TMEM178B: variants seen among roughly 807,000 people sequenced by gnomAD.
TMEM178B encodes the protein transmembrane protein 178B.
A neutral mutation model predicts 31.0 loss-of-function variants in TMEM178B; 5 were observed. The ratio of observed to expected loss-of-function variants is 0.16; its 90% CI spans 0.08 to 0.34. The LOEUF (loss-of-function observed/expected upper bound fraction) is 0.34. TMEM178B is among the 10% of genes least tolerant of loss of function. The pLI, the probability that TMEM178B is intolerant of heterozygous loss-of-function variation, is 1.00. For missense variants in TMEM178B, 275 were observed against 400.3 expected (o/e 0.69, Z 2.67); for synonymous variants, 164 against 164.0 (o/e 1.00, Z 0.00).
intron 2 of TMEM178B, among the ~76,000 whole-genome samples, chr7:141,373,682 G>C (rs575169585): frequency 1.3e-5 from 2 of 152,160 alleles, no homozygotes; most frequent in African/African-American, 4.8e-5. Flanking sequence ...GGCTGCTCCC[G>C]GGGAAGGGGC....
At chr7:141,118,517 G>A (rs1159261617) in intron 1 of TMEM178B, among the ~76,000 whole-genome samples, 1 of 152,152 alleles carries the variant, frequency 6.6e-6, no homozygotes, top group Admixed American at 6.5e-5. Context: ...TATAGTAAGT[G>A]GTATACAATA....
At chr7:141,180,521 T>A (rs1563109609) in intron 1 of TMEM178B, among the ~76,000 whole-genome samples, 1 of 149,750 alleles carries the variant, frequency 6.7e-6, no homozygotes, top group East Asian at 2.0e-4. Flanking sequence ...TACAAATCCA[T>A]GCAAAAGTAT....
At chr7:141,410,375 A>G (rs1350859685) in intron 2 of TMEM178B, among the ~76,000 whole-genome samples, 1 of 151,910 alleles carries the variant, frequency 6.6e-6, no homozygotes, top group African/African-American at 2.4e-5. Flanking sequence ...CACTTTGGCT[A>G]CTTCCCTTGA....
chr7:141,105,005 C>G (rs1860752), intron 1 of TMEM178B, among the ~76,000 whole-genome samples: 91,679 of 151,960 alleles, frequency 0.6, 29,021 homozygotes, highest in East Asian at 0.75. Context: ...AAGACAGTTG[C>G]ATTGAATGAG....
At chr7:141,487,534 G>A in the TMEM178B span, among the ~76,000 whole-genome samples, 2 of 151,902 alleles carry the variant, frequency 1.3e-5, no homozygotes, top group East Asian at 3.9e-4. Context: ...GAGGTCAGGA[G>A]TTCAAGACCA....
chr7:141,101,804 T>C (rs1196159356), intron 1 of TMEM178B, among the ~76,000 whole-genome samples: 1 of 152,198 alleles, frequency 6.6e-6, no homozygotes, highest in Non-Finnish European at 1.5e-5. Flanking sequence ...CTGCTCTTCA[T>C]GAATTAGCCA....
At chr7:141,123,980 T>C (rs373377869) in intron 1 of TMEM178B, among the ~76,000 whole-genome samples, 1 of 152,132 alleles carries the variant, frequency 6.6e-6, no homozygotes, top group Non-Finnish European at 1.5e-5. Context: ...GTCTCAAACT[T>C]CTGGGCTTAA....
intron 1 of TMEM178B, among the ~76,000 whole-genome samples, chr7:141,119,196 C>G (rs780490643): frequency 1.3e-5 from 2 of 152,228 alleles, no homozygotes; most frequent in East Asian, 3.8e-4. Context: ...GTTCAGGTTA[C>G]TCAGCCTGAC....
At chr7:141,118,354 T>C (rs1377132601) in intron 1 of TMEM178B, among the ~76,000 whole-genome samples, 1 of 152,242 alleles carries the variant, frequency 6.6e-6, no homozygotes, top group Non-Finnish European at 1.5e-5. Flanking sequence ...TGGGTTTCAA[T>C]CTTAGCTTCT....
intron 2 of TMEM178B, among the ~76,000 whole-genome samples, chr7:141,339,409 G>A (rs934624333): frequency 3.3e-5 from 5 of 152,200 alleles, no homozygotes; most frequent in Non-Finnish European, 5.9e-5. Context: ...GAGCAAGTCA[G>A]CAATGGTTCA....
chr7:141,235,038 A>G (rs1478999527), intron 2 of TMEM178B, among the ~76,000 whole-genome samples: 1 of 152,224 alleles, frequency 6.6e-6, no homozygotes, highest in Non-Finnish European at 1.5e-5. Context: ...TTTCATTTCA[A>G]TATGAGTATT....
chr7:141,427,386 C>G (rs972769853), intron 2 of TMEM178B, among the ~76,000 whole-genome samples: 1 of 152,024 alleles, frequency 6.6e-6, no homozygotes, highest in African/African-American at 2.4e-5. Flanking sequence ...AATAGAGAGC[C>G]CAGAAATAAA....
At chr7:141,399,190 C>T (rs537792270) in intron 2 of TMEM178B, among the ~76,000 whole-genome samples, 1 of 152,234 alleles carries the variant, frequency 6.6e-6, no homozygotes, top group South Asian at 2.1e-4. Flanking sequence ...TATCACACAT[C>T]CCCACTCAGA....
intron 2 of TMEM178B, among the ~76,000 whole-genome samples, chr7:141,272,735 T>C (rs1434992663): frequency 6.6e-6 from 1 of 152,234 alleles, no homozygotes; most frequent in Non-Finnish European, 1.5e-5. Flanking sequence ...CTGCTTCTCA[T>C]TGCTGCTTTT....
chr7:141,204,201 A>T (rs1375482668), intron 1 of TMEM178B, among the ~76,000 whole-genome samples: 1 of 152,212 alleles, frequency 6.6e-6, no homozygotes, highest in Non-Finnish European at 1.5e-5. Context: ...GACTGGAAAG[A>T]GGGGAAGCCA....
chr7:141,448,232 GAA>G (rs1459641223), intron 3 of TMEM178B, among the ~76,000 whole-genome samples: 1 of 152,090 alleles, frequency 6.6e-6, no homozygotes, highest in African/African-American at 2.4e-5. Context: ...TGATAAGAGA[GAA>G]TGTACCTTGA....
At chr7:141,322,028 C>G (rs1483865348) in intron 2 of TMEM178B, among the ~76,000 whole-genome samples, 1 of 152,100 alleles carries the variant, frequency 6.6e-6, no homozygotes, top group Non-Finnish European at 1.5e-5. Context: ...AAGGTAAAAT[C>G]AAGTTAGACG....
chr7:141,192,355 A>C (rs1203595109), intron 1 of TMEM178B, among the ~76,000 whole-genome samples: 1 of 152,064 alleles, frequency 6.6e-6, no homozygotes, highest in African/African-American at 2.4e-5. Flanking sequence ...TAGGCCATGT[A>C]CCTGGGGAAG....
chr7:141,187,038 A>C (rs1020069308), intron 1 of TMEM178B, among the ~76,000 whole-genome samples: 5 of 151,082 alleles, frequency 3.3e-5, no homozygotes, highest in African/African-American at 4.9e-5. Flanking sequence ...TGTGCTGCAC[A>C]CATTAACTCG....
Sources: gnomAD v4.1 joint callset for allele counts (sites outside exome capture counted in the v4.1 genomes callset) on GRCh38, gnomAD v4.1.1 for gene constraint, MANE v1.5 for transcripts, NCBI Gene and HGNC (gene_info 2026-07-23, HGNC 2026-07-21) for gene names.